TMEM145: variants seen among roughly 807,000 people sequenced by gnomAD.
TMEM145 encodes transmembrane protein 145.
TMEM145 carries 46 observed loss-of-function variants against 68.5 expected under a neutral mutation model. That is an observed-to-expected ratio of 0.67 (90% CI 0.53 to 0.86). The LOEUF (loss-of-function observed/expected upper bound fraction) is 0.86, where lower values mean the gene tolerates loss of function less well. Ranked by LOEUF, TMEM145 falls within the 40% of genes least tolerant of loss-of-function variation. The pLI, the probability that TMEM145 is intolerant of heterozygous loss-of-function variation, is 0.00. For synonymous variants in TMEM145, 255 were observed against 280.2 expected (o/e 0.91, Z 0.90); for missense variants, 570 against 645.8 (o/e 0.88, Z 1.27).
In TMEM145 at chr19:42,315,401, A is replaced by C. The variant is rs865775001; in HGVS notation, c.607A>C (p.Thr203Pro). The C allele has an allele frequency of 1.2e-6, 2 of 1,614,164 alleles. No individual in the cohort carries two copies. Among genetic ancestry groups the C allele is most frequent in the Middle Eastern group, 3.3e-4 (2 of 6,062 alleles). The change falls in exon 8 of 15, where the codon ACA (threonine) becomes CCA (proline). Residue 203 changes from threonine (T) to proline (P), a missense_variant. Thr to Pro is a conservative substitution (Grantham distance 38). Transcript: ENST00000301204. ...GCTGAAAGGTCGTCAGTTGCTCCACACAACTTATAAAATGTTCATGGCCGC... is the reference window on the plus strand; with the variant it reads ...GCTGAAAGGTCGTCAGTTGCTCCACCCAACTTATAAAATGTTCATGGCCGC... ...YLLKGRQLLH[T>P]TYKMFMAAAG...
At chr19:42,317,990 C>A in intron 12 of TMEM145, 109 bp downstream of exon 12, 1 of 1,253,804 alleles carries the variant, frequency 8.0e-7, no homozygotes, top group Non-Finnish European at 1.1e-6. Flanking sequence ...ACTTTTCACT[C>A]AGGCAGCTGT....
At chr19:42,319,157 C>T (rs2038888261) in intron 12 of TMEM145, among the ~76,000 whole-genome samples, 1 of 152,146 alleles carries the variant, frequency 6.6e-6, no homozygotes, top group African/African-American at 2.4e-5. Context: ...TTATCGTTCA[C>T]CATAACATAG....
At chr19:42,316,999 C>A in intron 11 of TMEM145, 36 bp downstream of exon 11, 1 of 1,590,970 alleles carries the variant, frequency 6.3e-7, no homozygotes, top group Middle Eastern at 1.8e-4. Flanking sequence ...GCCCTGCCTT[C>A]CCCTGCTTTT....
At chr19:42,320,204 C>G in intron 12 of TMEM145, 113 bp from the exon 13 acceptor site, 3 of 1,443,040 alleles carry the variant, frequency 2.1e-6, no homozygotes, top group Non-Finnish European at 2.9e-6. Context: ...TGGCTTCCCT[C>G]CAGTTTGGGA....
At chr19:42,315,681 G>C (rs1170545150) in intron 8 of TMEM145, among the ~76,000 whole-genome samples, 1 of 149,252 alleles carries the variant, frequency 6.7e-6, no homozygotes, top group African/African-American at 2.5e-5. Flanking sequence ...TGGACCCCTG[G>C]TTCCTGGGGG....
rs546004882 is a variant in TMEM145, at chr19:42,313,373, C to A, written c.-4C>A. The A allele has an allele frequency of 2.6e-6, 3 of 1,150,270 alleles. No individual in the cohort carries two copies. The highest frequency in any genetic ancestry group is 3.3e-5 in the African/African-American group (2 of 61,422). 71.3% of individuals were successfully genotyped at this position (1,150,270 alleles called of 1,614,324 possible). Reference sequence around the variant, plus strand: ...GGAGCGGAGCCGGGGCCGGAGCGGGCGGAATGGAGCCCCTGCGCGCGCCCG... The same window carrying A: ...GGAGCGGAGCCGGGGCCGGAGCGGGAGGAATGGAGCCCCTGCGCGCGCCCG... On this transcript the variant is annotated 5_prime_UTR_variant, in exon 1 of 15. Coordinates refer to ENST00000301204, the MANE Select transcript of TMEM145 (RefSeq NM_173633.3). The surrounding 1 kb of genome is among the most constrained non-coding windows in gnomAD (Gnocchi z 5.1).
At chr19:42,314,576 C>T in intron 3 of TMEM145, 37 bp from the exon 4 acceptor site, 1 of 1,614,126 alleles carries the variant, frequency 6.2e-7, no homozygotes, top group East Asian at 2.2e-5. Flanking sequence ...AAGGTCGTTG[C>T]TGGCCGGGGG....
chr19:42,324,981 C>A lies in TMEM145; in HGVS notation c.*164C>A, dbSNP rs375776117. ...GTACTCCATCTGCCGCATCTCCATT[C>A]CGGGGGCCTTCCCTCGGGTCCCTGG... On this transcript the variant is annotated 3_prime_UTR_variant, in exon 15 of 15. Transcript: ENST00000301204. The A allele has an allele frequency of 1.6e-5, 19 of 1,170,750 alleles. No homozygotes were observed. Among genetic ancestry groups the A allele is most frequent in the Non-Finnish European group, 2.0e-5 (18 of 920,344 alleles). 72.5% of individuals were successfully genotyped at this position (1,170,750 alleles called of 1,614,324 possible). A position where few individuals can be genotyped will look rare whatever the true frequency, so the allele number is the denominator to read the frequency against.
intron 12 of TMEM145, among the ~76,000 whole-genome samples, chr19:42,319,532 C>T (rs189540369): frequency 3.9e-5 from 6 of 152,094 alleles, no homozygotes; most frequent in South Asian, 2.1e-4. Context: ...CTGCAACCTC[C>T]GCCTCCTAAA....
chr19:42,325,008 A>G lies in TMEM145; in HGVS notation c.*191A>G. ...GGGGGCCTTCCCTCGGGTCCCTGGC[A>G]GAAAGACATTTTACCCCTTCTTGCC... is the stretch of plus-strand genomic sequence containing the variant. On this transcript the variant is annotated 3_prime_UTR_variant, in exon 15 of 15. Coordinates refer to ENST00000301204, the MANE Select transcript of TMEM145 (RefSeq NM_173633.3). The G allele has an allele frequency of 2.1e-6, 2 of 962,500 alleles. No individual in the cohort carries two copies. Among genetic ancestry groups the G allele is most frequent in the Non-Finnish European group, 2.7e-6 (2 of 730,382 alleles). The allele number at this position is 962,500 out of a possible 1,614,324, so 59.6% of individuals were successfully genotyped here. A position where few individuals can be genotyped will look rare whatever the true frequency, so the allele number is the denominator to read the frequency against.
chr19:42,318,031 G>A, intron 12 of TMEM145, 150 bp downstream of exon 12: 3 of 893,532 alleles, frequency 3.4e-6, no homozygotes, highest in South Asian at 3.4e-5. Context: ...CTCACTTTGT[G>A]AAAAATTACT....
At chr19:42,320,200 C>T in intron 12 of TMEM145, 117 bp from the exon 13 acceptor site, 4 of 1,387,706 alleles carry the variant, frequency 2.9e-6, no homozygotes, top group African/African-American at 1.4e-5. Flanking sequence ...ACACTGGCTT[C>T]CCTCCAGTTT....
At chr19:42,320,222 G>A in intron 12 of TMEM145, 95 bp from the exon 13 acceptor site, 2 of 1,540,396 alleles carry the variant, frequency 1.3e-6, no homozygotes, top group South Asian at 1.2e-5. Context: ...GGACCTGCCT[G>A]GGGTCTGCGT....
intron 1 of TMEM145, 146 bp from the exon 2 acceptor site, chr19:42,314,126 C>G: frequency 1.3e-6 from 1 of 786,930 alleles, no homozygotes; most frequent in Non-Finnish European, 2.2e-6. Flanking sequence ...GTGACGGGAT[C>G]AGGGAAGGAG....
chr19:42,314,417 C>G, intron 2 of TMEM145, 34 bp from the exon 3 acceptor site: 1 of 1,614,054 alleles, frequency 6.2e-7, no homozygotes. Flanking sequence ...ACAGGCTGCC[C>G]CAGCTCCCGG....
rs1298917777 is a variant in TMEM145, at chr19:42,323,606, C to T, written c.1218C>T (p.Ala406=). The T allele has an allele frequency of 1.2e-6, 2 of 1,614,142 alleles. No homozygotes were observed. The highest frequency in any genetic ancestry group is 1.7e-6 in the Non-Finnish European group (2 of 1,180,016). The stretch of plus-strand genomic sequence containing the variant: ...AGATCATGACCCGCCCATCAGCGGC[C>T]AACAAGAACTTCCCGTACCACGTGC... The part of the protein sequence containing the change: ...VFLIMTRPSA[A]NKNFPYHVRT... The change falls in exon 14 of 15, where the codon GCC becomes GCT. Residue 406 remains alanine, a synonymous_variant. Coordinates refer to ENST00000301204, the MANE Select transcript of TMEM145 (RefSeq NM_173633.3).
chr19:42,314,170 G>A lies in TMEM145; in HGVS notation c.121-102G>A, dbSNP rs75429031. The A allele has an allele frequency of 6.8e-3, 8,587 of 1,271,644 alleles. 394 individuals are homozygous for A. The African/African-American group carries it at 0.11, about 16-fold the overall frequency. 78.8% of individuals were successfully genotyped at this position (1,271,644 alleles called of 1,614,324 possible). On this transcript the variant is annotated intron_variant, in intron 1 of 14. Coordinates refer to ENST00000301204, the MANE Select transcript of TMEM145 (RefSeq NM_173633.3). ...TGACCTGGTCTCCTTCTAGTACTTG[G>A]GAAGCCAGGTACCTGGGGGGTAGGG...
intron 12 of TMEM145, among the ~76,000 whole-genome samples, chr19:42,319,911 C>T (rs1002898784): frequency 1.3e-5 from 2 of 152,022 alleles, no homozygotes; most frequent in African/African-American, 4.8e-5. Flanking sequence ...AGGTGCATGC[C>T]ACCACACCCA....
intron 13 of TMEM145, 81 bp from the exon 14 acceptor site, chr19:42,323,502 G>T: frequency 1.5e-6 from 2 of 1,377,896 alleles, no homozygotes; most frequent in Non-Finnish European, 2.0e-6. Flanking sequence ...AACTGAAAGG[G>T]AATCCTTCGG....
Sources: gnomAD v4.1 joint callset for allele counts (sites outside exome capture counted in the v4.1 genomes callset) on GRCh38, gnomAD v4.1.1 for gene constraint, Gnocchi (gnomAD v3.1) non-coding constraint, MANE v1.5 for transcripts, NCBI Gene and HGNC (gene_info 2026-07-23, HGNC 2026-07-21) for gene names.